Variants in PCDH15 observed in about 807,000 individuals in gnomAD.
The protein encoded by PCDH15 is protocadherin related 15, also known as protocadherin-15.
PCDH15 carries 129 observed loss-of-function variants against 178.5 expected under a neutral mutation model. The observed-to-expected ratio is 0.72, with a 90% CI of 0.63 to 0.84. The LOEUF (loss-of-function observed/expected upper bound fraction) is 0.84. PCDH15 is among the 40% of genes least tolerant of loss of function. PCDH15 has a pLI of 0.00. For synonymous variants in PCDH15, 800 were observed against 732.0 expected (o/e 1.09, Z -1.50); for missense variants, 2,230 against 2,099.9 (o/e 1.06, Z -1.21).
chr10:55,508,938 CCAAAG>C (rs1183945556), intron 2 of PCDH15, among the ~76,000 whole-genome samples: 3 of 151,236 alleles, frequency 2.0e-5, no homozygotes, highest in East Asian at 3.9e-4. Context: ...GTCCAAATAA[CCAAAG>C]CAAAGCAAAG....
rs1056117713 is a variant in PCDH15 at position 53,809,377 on chromosome 10, T to A, written c.4671+1179A>T. ...CTCAAGGTCAACGATTCCTCTTTTATCAGCTAATCCTCTAACTTTCTTAAA... is the reference window on the plus strand; with the variant it reads ...CTCAAGGTCAACGATTCCTCTTTTAACAGCTAATCCTCTAACTTTCTTAAA... On this transcript the variant is annotated intron_variant, in intron 37 of 37. Transcript: ENST00000644397. 9 of 1,613,886 alleles carry A rather than the reference T, an allele frequency of 5.6e-6. No individual in the cohort carries two copies. In the Admixed American group the frequency reaches 8.3e-5, roughly 15 times the overall value.
At chr10:54,677,712 T>G (rs1397716351) in intron 1 of PCDH15, among the ~76,000 whole-genome samples, 1 of 152,166 alleles carries the variant, frequency 6.6e-6, no homozygotes, top group Non-Finnish European at 1.5e-5. Flanking sequence ...TAACATTGAG[T>G]GTCTGGATTT....
chr10:54,863,168 C>T (rs1051213919), intron 3 of PCDH15, among the ~76,000 whole-genome samples: 1 of 151,978 alleles, frequency 6.6e-6, no homozygotes, highest in African/African-American at 2.4e-5. Flanking sequence ...ATTAATTTTA[C>T]GATGGTAGCA....
rs539351438 is a variant in PCDH15 at position 54,507,943 on chromosome 10, AG to A, written c.157+19868del. Among the ~76,000 whole-genome samples, 28 of 152,114 alleles carry A rather than the reference AG, an allele frequency of 1.8e-4. No homozygotes were observed. In the East Asian group the frequency reaches 4.5e-3, roughly 24 times the overall value. ...AATTAGTGATTATCTTAGTACTGAG[AG>A]TAATGGTGCCAATAATAATAGTTTC... On this transcript the variant is annotated intron_variant, in intron 3 of 37. Coordinates refer to ENST00000644397, the MANE Select transcript of PCDH15 (RefSeq NM_001384140.1).
At chr10:55,220,797 T>C (rs1840851537) in intron 1 of PCDH15, among the ~76,000 whole-genome samples, 1 of 152,030 alleles carries the variant, frequency 6.6e-6, no homozygotes, top group South Asian at 2.1e-4. Flanking sequence ...AAATCATATA[T>C]ATTTGACACT....
chr10:54,976,419 G>T (rs1456243269), intron 2 of PCDH15, among the ~76,000 whole-genome samples: 3 of 152,176 alleles, frequency 2.0e-5, no homozygotes, highest in Non-Finnish European at 4.4e-5. Context: ...CTCCCCAAAG[G>T]CTCAGATGTC....
chr10:54,884,047 G>T (rs1038481960), intron 3 of PCDH15, among the ~76,000 whole-genome samples: 110 of 152,120 alleles, frequency 7.2e-4, no homozygotes, highest in African/African-American at 2.6e-3. Flanking sequence ...GTGGACTACA[G>T]TGAGGTAATA....
intron 2 of PCDH15, among the ~76,000 whole-genome samples, chr10:54,919,330 A>G (rs1241782059): frequency 6.6e-6 from 1 of 152,158 alleles, no homozygotes; most frequent in Non-Finnish European, 1.5e-5. Context: ...GGCAAGATCA[A>G]CAACTATCCT....
intron 1 of PCDH15, among the ~76,000 whole-genome samples, chr10:54,757,573 G>C (rs1374789718): frequency 6.2e-5 from 2 of 32,226 alleles, no homozygotes; most frequent in Non-Finnish European, 1.5e-4. Context: ...GAGCCACCGC[G>C]CCCGGCCAAT....
chr10:53,974,595 T>C (rs1414885394), intron 21 of PCDH15, among the ~76,000 whole-genome samples: 1 of 152,162 alleles, frequency 6.6e-6, no homozygotes, highest in Non-Finnish European at 1.5e-5. Context: ...TCTAAAGGTT[T>C]GATAGTTAAT....
intron 3 of PCDH15, among the ~76,000 whole-genome samples, chr10:54,456,567 C>T (rs963543344): frequency 1.3e-5 from 2 of 152,150 alleles, no homozygotes; most frequent in African/African-American, 2.4e-5. Context: ...TCAGATGAGA[C>T]TTTGGACTTG....
intron 2 of PCDH15, among the ~76,000 whole-genome samples, chr10:55,455,780 T>C (rs921557062): frequency 2.6e-5 from 4 of 152,132 alleles, no homozygotes; most frequent in Admixed American, 6.5e-5. Flanking sequence ...TCTATTGATA[T>C]GTTTATAGAC....
At chr10:54,842,857 T>C (rs1953442731) in intron 3 of PCDH15, among the ~76,000 whole-genome samples, 1 of 151,906 alleles carries the variant, frequency 6.6e-6, no homozygotes, top group South Asian at 2.1e-4. Context: ...AGCTTTCATA[T>C]GGAAATTCCA....
chr10:54,029,382 C>T (rs1217788453), intron 18 of PCDH15, among the ~76,000 whole-genome samples: 1 of 152,090 alleles, frequency 6.6e-6, no homozygotes, highest in African/African-American at 2.4e-5. Flanking sequence ...TACATCAAAG[C>T]AATGAACAGT....
chr10:54,467,933 A>G (rs77208917), intron 3 of PCDH15, among the ~76,000 whole-genome samples: 7,110 of 151,762 alleles, frequency 0.047, 369 homozygotes, highest in African/African-American at 0.13. Context: ...CATTTTTTCT[A>G]GGCTTTCAAA....
intron 1 of PCDH15, among the ~76,000 whole-genome samples, chr10:54,713,208 AAC>A (rs376488948): frequency 5.3e-5 from 8 of 151,238 alleles, no homozygotes; most frequent in East Asian, 3.9e-4. Context: ...ATGAAGTTAA[AAC>A]ACACACACAC....
intron 2 of PCDH15, among the ~76,000 whole-genome samples, chr10:55,102,865 AT>A (rs1338283119): frequency 2.6e-5 from 4 of 152,284 alleles, no homozygotes; most frequent in Middle Eastern, 3.4e-3. Flanking sequence ...AGAGAAAAAA[AT>A]GTTAAGAAAA....
intron 1 of PCDH15, among the ~76,000 whole-genome samples, chr10:54,779,672 G>A (rs571360808): frequency 2.6e-5 from 4 of 150,966 alleles, no homozygotes; most frequent in African/African-American, 9.7e-5. Context: ...GAGTTAGCAG[G>A]GTGTAAATGA....
chr10:54,770,456 A>G (rs1218684734), intron 1 of PCDH15, among the ~76,000 whole-genome samples: 2 of 152,124 alleles, frequency 1.3e-5, no homozygotes, highest in Admixed American at 6.6e-5. Context: ...TAAAATCTGA[A>G]GGCTGACACT....
Sources: allele counts gnomAD v4.1 joint callset (sites outside exome capture counted in the v4.1 genomes callset), GRCh38; gene constraint gnomAD v4.1.1; transcripts MANE v1.5; gene names NCBI Gene and HGNC (gene_info 2026-07-23, HGNC 2026-07-21).